The following IQSEC1 variants were observed in gnomAD, a reference collection of about 807,000 sequenced individuals.
IQSEC1 encodes IQ motif and Sec7 domain ArfGEF 1, also known as IQ motif and SEC7 domain-containing protein 1.
A neutral mutation model predicts 91.0 loss-of-function variants in IQSEC1; 31 were observed. That is an observed-to-expected ratio of 0.34 (90% confidence interval 0.26 to 0.46). IQSEC1 has a LOEUF of 0.46. Among genes scored for constraint, IQSEC1 ranks in the 20% least tolerant of loss-of-function variants. The pLI is 1.00. For synonymous variants in IQSEC1, 699 were observed against 662.6 expected (o/e 1.05, Z -0.84); for missense variants, 1,388 against 1,575.6 (o/e 0.88, Z 2.02).
intron 2 of IQSEC1, among the ~76,000 whole-genome samples, chr3:13,138,137 C>T (rs1369053285): frequency 6.6e-6 from 1 of 152,170 alleles, no homozygotes; most frequent in African/African-American, 2.4e-5. Flanking sequence ...ATGGCTGGCA[C>T]TCCTCCCACA....
At chr3:13,031,894 A>C (rs1390414096) in intron 1 of IQSEC1, among the ~76,000 whole-genome samples, 2 of 152,094 alleles carry the variant, frequency 1.3e-5, no homozygotes, top group Non-Finnish European at 2.9e-5. Context: ...AGGGTAGAGA[A>C]CTTCATGAGC....
intron 1 of IQSEC1, among the ~76,000 whole-genome samples, chr3:12,996,053 C>T (rs1023248238): frequency 2.0e-5 from 3 of 151,910 alleles, no homozygotes; most frequent in African/African-American, 7.3e-5. Context: ...TCCAGCTACT[C>T]GGGAGGCTGA....
At chr3:12,986,911 A>T in intron 1 of IQSEC1, 1 of 323,480 alleles carries the variant, frequency 3.1e-6, no homozygotes, top group Non-Finnish European at 6.3e-6. Context: ...GGGAGGGGAC[A>T]TTTTATTTTC....
Position 12,970,704 on chromosome 3 carries a change from G to T in IQSEC1, c.24-28839C>A, listed in dbSNP as rs1700850641. ...TTCAGTTCCCCACACTCCCCACTGT[G>T]CCTGGCTCACAGCTAGGACCTTGGT... On this transcript the variant is annotated intron_variant, in intron 1 of 13. Transcript: ENST00000613206. The surrounding 1 kb of genome is among the most constrained non-coding windows in gnomAD (Gnocchi z 4.4). Among the ~76,000 whole-genome samples, 1 of 152,164 alleles carries T rather than the reference G, an allele frequency of 6.6e-6. No individual in the cohort carries two copies.
intron 2 of IQSEC1, among the ~76,000 whole-genome samples, chr3:13,151,578 G>A (rs1025243493): frequency 5.3e-5 from 8 of 152,216 alleles, no homozygotes; most frequent in Non-Finnish European, 8.8e-5. Flanking sequence ...GACAAGGGTC[G>A]AAACAGGGGC....
At chr3:13,072,835 C>T (rs958744867) in intron 1 of IQSEC1, among the ~76,000 whole-genome samples, 157 bp downstream of exon 1, 1 of 152,210 alleles carries the variant, frequency 6.6e-6, no homozygotes, top group Non-Finnish European at 1.5e-5. Context: ...GCTGCAGGGG[C>T]CGAGCGCCGG....
intron 2 of IQSEC1, among the ~76,000 whole-genome samples, chr3:13,151,229 G>C (rs1348146682): frequency 2.0e-5 from 3 of 152,172 alleles, no homozygotes; most frequent in Non-Finnish European, 4.4e-5. Flanking sequence ...CAGGTATTGG[G>C]CTTCTCTAAG....
At chr3:13,130,940 A>T (rs1706602951) in intron 2 of IQSEC1, among the ~76,000 whole-genome samples, 1 of 150,230 alleles carries the variant, frequency 6.7e-6, no homozygotes, top group African/African-American at 2.4e-5. Flanking sequence ...AAAAAGAAAA[A>T]TAAGCAATAA....
At chr3:13,098,303 A>G (rs1705998868) in intron 2 of IQSEC1, among the ~76,000 whole-genome samples, 1 of 152,240 alleles carries the variant, frequency 6.6e-6, no homozygotes, top group Non-Finnish European at 1.5e-5. Context: ...ACAGTCTAGC[A>G]AGAATCAGGA....
At chr3:13,116,229 A>G (rs1474916992) in intron 2 of IQSEC1, among the ~76,000 whole-genome samples, 1 of 152,176 alleles carries the variant, frequency 6.6e-6, no homozygotes, top group Non-Finnish European at 1.5e-5. Flanking sequence ...CTCAGGGCCC[A>G]GGGGCAGCCG....
At chr3:13,065,742 C>G (rs1705209047) in intron 1 of IQSEC1, among the ~76,000 whole-genome samples, 2 of 152,110 alleles carry the variant, frequency 1.3e-5, no homozygotes, top group South Asian at 4.1e-4. Flanking sequence ...GAGTATACAC[C>G]CAACAGAAAT....
At chr3:13,276,695 A>T (rs1036456191) in intron 1 of IQSEC1, among the ~76,000 whole-genome samples, 1 of 152,220 alleles carries the variant, frequency 6.6e-6, no homozygotes, top group African/African-American at 2.4e-5. Flanking sequence ...GGAGAAAGGC[A>T]TTGGCAACCT....
chr3:13,179,085 A>G (rs951687566), intron 1 of IQSEC1, among the ~76,000 whole-genome samples: 4 of 152,188 alleles, frequency 2.6e-5, no homozygotes, highest in Non-Finnish European at 5.9e-5. Context: ...ATAAACCCCT[A>G]GTTTTAGTCA....
chr3:12,934,992 C>A (rs1418322649), intron 3 of IQSEC1, among the ~76,000 whole-genome samples: 2 of 152,108 alleles, frequency 1.3e-5, no homozygotes, highest in Non-Finnish European at 2.9e-5. Context: ...CTGCATCCCC[C>A]ACAAGACACA....
intron 2 of IQSEC1, among the ~76,000 whole-genome samples, chr3:13,147,320 C>A (rs1031008036): frequency 2.7e-5 from 4 of 150,742 alleles, no homozygotes; most frequent in African/African-American, 9.8e-5. Context: ...CCCCCTCCCA[C>A]CCTCCCTCTT....
chr3:12,989,378 A>G (rs1701887580), intron 1 of IQSEC1, among the ~76,000 whole-genome samples: 1 of 152,226 alleles, frequency 6.6e-6, no homozygotes, highest in South Asian at 2.1e-4. Flanking sequence ...ATCCCAAAGG[A>G]GAAAACAGAA....
At chr3:13,199,241 C>T (rs1193930339) in intron 1 of IQSEC1, among the ~76,000 whole-genome samples, 1 of 152,214 alleles carries the variant, frequency 6.6e-6, no homozygotes, top group Non-Finnish European at 1.5e-5. Flanking sequence ...AGTGAGAAGG[C>T]TTTGTGGAGG....
intron 1 of IQSEC1, among the ~76,000 whole-genome samples, chr3:13,246,104 T>C (rs1373382246): frequency 1.3e-5 from 2 of 152,242 alleles, no homozygotes; most frequent in Non-Finnish European, 2.9e-5. Flanking sequence ...TAAATAGTAG[T>C]GCATCCGAGC....
chr3:13,040,054 C>T (rs1366522852), intron 1 of IQSEC1, among the ~76,000 whole-genome samples: 1 of 152,232 alleles, frequency 6.6e-6, no homozygotes, highest in African/African-American at 2.4e-5. Flanking sequence ...ATGTAGCAGA[C>T]ACTCACTGAG....
Sources: allele counts gnomAD v4.1 joint callset (sites outside exome capture counted in the v4.1 genomes callset), GRCh38; gene constraint gnomAD v4.1.1; non-coding constraint Gnocchi (gnomAD v3.1); transcripts MANE v1.5; gene names NCBI Gene and HGNC (gene_info 2026-07-23, HGNC 2026-07-21).